The following DRC9 variants were observed in gnomAD, a reference collection of about 807,000 sequenced individuals.
DRC9 encodes dynein regulatory complex subunit 9, also known as dynein regulatory complex protein 9.
chr3:197,948,565 T>C, the DRC9 span, among the ~76,000 whole-genome samples: 1 of 152,248 alleles, frequency 6.6e-6, no homozygotes, highest in Non-Finnish European at 1.5e-5. Flanking sequence ...TCACACTTAA[T>C]GTGTTATTCC....
At chr3:197,912,178 T>C in the DRC9 span, among the ~76,000 whole-genome samples, 3 of 151,844 alleles carry the variant, frequency 2.0e-5, no homozygotes, top group Non-Finnish European at 2.9e-5. Flanking sequence ...ATAGCTGGGA[T>C]TACAGGCGCA....
chr3:197,923,126 T>C, the DRC9 span, among the ~76,000 whole-genome samples: 2 of 152,140 alleles, frequency 1.3e-5, no homozygotes, highest in African/African-American at 4.8e-5. Context: ...AAAAGTCTAG[T>C]GACTTTGTTT....
chr3:197,944,430 G>C, the DRC9 span, among the ~76,000 whole-genome samples: 24 of 150,738 alleles, frequency 1.6e-4, no homozygotes, highest in African/African-American at 5.9e-4. Flanking sequence ...GGCTAAGTTT[G>C]TGTTTTTATT....
chr3:197,956,854 C>T, the DRC9 span: 1 of 152,120 alleles, frequency 6.6e-6, no homozygotes, highest in African/African-American at 2.4e-5. Context: ...TACTACATTT[C>T]TAACTGATGC....
At chr3:197,951,071 C>T in the DRC9 span, 3 of 1,599,944 alleles carry the variant, frequency 1.9e-6, no homozygotes, top group African/African-American at 2.7e-5. Flanking sequence ...TAGATGTTTG[C>T]TCTGAGTAAC....
the DRC9 span, among the ~76,000 whole-genome samples, chr3:197,903,614 C>T: frequency 3.9e-5 from 6 of 151,950 alleles, no homozygotes; most frequent in African/African-American, 1.2e-4. Flanking sequence ...CCAGCTTGGG[C>T]GAGAGAGCAA....
the DRC9 span, chr3:197,951,168 C>T: frequency 1.8e-4 from 293 of 1,614,016 alleles, no homozygotes; most frequent in East Asian, 6.1e-3. Context: ...GGCTGTGGTC[C>T]AAGGCCATTT....
chr3:197,952,361 G>C, the DRC9 span, among the ~76,000 whole-genome samples: 1 of 151,488 alleles, frequency 6.6e-6, no homozygotes, highest in African/African-American at 2.4e-5. Context: ...GTAGAGATGG[G>C]GTTTCACCAT....
At chr3:197,956,041 C>T in the DRC9 span, 9 of 446,758 alleles carry the variant, frequency 2.0e-5, no homozygotes, top group South Asian at 1.5e-4. Flanking sequence ...CTCGCTGCAG[C>T]CTCACATTCA....
the DRC9 span, chr3:197,913,333 C>CGTGT: frequency 5.3e-5 from 11 of 206,094 alleles, no homozygotes; most frequent in African/African-American, 1.1e-4. Context: ...TGTGTGCGTG[C>CGTGT]GTGCGTGCGT....
chr3:197,918,153 GGT>G, the DRC9 span, among the ~76,000 whole-genome samples: 1 of 149,288 alleles, frequency 6.7e-6, no homozygotes, highest in Non-Finnish European at 1.5e-5. Flanking sequence ...GGAGTGCAAT[GGT>G]GCGATCTTGG....
the DRC9 span, among the ~76,000 whole-genome samples, chr3:197,901,793 C>T: frequency 6.6e-6 from 1 of 152,344 alleles, no homozygotes; most frequent in East Asian, 1.9e-4. This position sits in a 1 kb window ranked among gnomAD's most constrained non-coding sequence, Gnocchi z 4.4. Context: ...CGCCCAGGGC[C>T]TGGGGGGACT....
chr3:197,935,975 C>T, the DRC9 span, among the ~76,000 whole-genome samples: 1 of 151,862 alleles, frequency 6.6e-6, no homozygotes, highest in Admixed American at 6.6e-5. Flanking sequence ...TGGCCTGGCG[C>T]GGTGGCTCAC....
At chr3:197,897,938 T>TTA in the DRC9 span, among the ~76,000 whole-genome samples, 1 of 60,670 alleles carries the variant, frequency 1.6e-5, no homozygotes, top group Non-Finnish European at 2.6e-5. Context: ...GCCCAGCTAA[T>TTA]TTTTTTTTTT....
At chr3:197,935,119 G>A in the DRC9 span, among the ~76,000 whole-genome samples, 1 of 152,126 alleles carries the variant, frequency 6.6e-6, no homozygotes, top group African/African-American at 2.4e-5. Context: ...TGGTAAGGAA[G>A]TCCCCTTTGC....
At chr3:197,934,267 C>A in the DRC9 span, among the ~76,000 whole-genome samples, 1 of 149,084 alleles carries the variant, frequency 6.7e-6, no homozygotes, top group Non-Finnish European at 1.5e-5. Flanking sequence ...TCACTGCAAC[C>A]TGCACCTCCC....
chr3:197,902,474 A>G, the DRC9 span, among the ~76,000 whole-genome samples: 3 of 152,146 alleles, frequency 2.0e-5, no homozygotes, highest in Non-Finnish European at 4.4e-5. Flanking sequence ...ATTCAAGATA[A>G]CACAGAGAAA....
chr3:197,943,510 AG>A, the DRC9 span, among the ~76,000 whole-genome samples: 1 of 152,004 alleles, frequency 6.6e-6, no homozygotes, highest in Non-Finnish European at 1.5e-5. Flanking sequence ...GTGGTAGTGC[AG>A]GCCTGTAGTC....
At chr3:197,934,183 C>CTTTTTTTTTTTTTTTTTT in the DRC9 span, among the ~76,000 whole-genome samples, 22 of 99,508 alleles carry the variant, frequency 2.2e-4, 3 homozygotes, top group African/African-American at 5.4e-4. Flanking sequence ...CATTCTGGGT[C>CTTTTTTTTTTTTTTTTTT]TTTTTTTTTT....
Sources: gnomAD v4.1 joint callset for allele counts (sites outside exome capture counted in the v4.1 genomes callset) on GRCh38, gnomAD v4.1.1 for gene constraint, Gnocchi (gnomAD v3.1) non-coding constraint, MANE v1.5 for transcripts, NCBI Gene and HGNC (gene_info 2026-07-23, HGNC 2026-07-21) for gene names.